Variants in NPR2 observed in about 807,000 individuals in gnomAD.
NPR2 encodes the protein natriuretic peptide receptor 2, also known as atrial natriuretic peptide receptor 2.
In NPR2, 49 loss-of-function variants were observed where a neutral mutation model predicts 120.7. The observed-to-expected ratio is 0.41, with a 90% CI of 0.32 to 0.52. The LOEUF is 0.52. Among genes scored for constraint, NPR2 ranks in the 20% least tolerant of loss-of-function variants. The pLI is 0.36. For synonymous variants in NPR2, 484 were observed against 519.8 expected (o/e 0.93, Z 0.94); for missense variants, 931 against 1,362.9 (o/e 0.68, Z 4.99).
At position 35,802,656 on chromosome 9, in the gene NPR2, C is replaced by T. The variant is rs1187738732; in HGVS notation, c.1815+49C>T. 1 of 1,480,194 alleles carries T rather than the reference C, an allele frequency of 6.8e-7. No homozygotes were observed. The highest frequency in any genetic ancestry group is 1.7e-5 in the Admixed American group (1 of 59,862). 91.7% of individuals were successfully genotyped at this position (1,480,194 alleles called of 1,614,324 possible). A position where few individuals can be genotyped will look rare whatever the true frequency, so the allele number is the denominator to read the frequency against. ...ATGGCAGGGGTGGGAAGGATAGACC[C>T]AAAGTTATACTGACTCTATGCTGGG... On this transcript the variant is annotated intron_variant, in intron 11 of 21. Transcript: ENST00000342694. The surrounding 1 kb of genome is among the most constrained non-coding windows in gnomAD (Gnocchi z 4.2).
At chr9:35,803,807 A>G (rs1828262305) in intron 12 of NPR2, among the ~76,000 whole-genome samples, 1 of 152,246 alleles carries the variant, frequency 6.6e-6, no homozygotes, top group Admixed American at 6.5e-5. Context: ...GTTATTTAAA[A>G]AGTATTTTTT....
chr9:35,803,755 G>A (rs2132086196), intron 12 of NPR2, among the ~76,000 whole-genome samples: 1 of 152,336 alleles, frequency 6.6e-6, no homozygotes, highest in Admixed American at 6.5e-5. Flanking sequence ...ACCCCACACT[G>A]TATCTGAAAC....
intron 2 of NPR2, among the ~76,000 whole-genome samples, chr9:35,797,879 T>A (rs1369198371): frequency 6.6e-6 from 1 of 152,230 alleles, no homozygotes; most frequent in Non-Finnish European, 1.5e-5. Flanking sequence ...ATCTGCTTTG[T>A]CACGCTTGTT....
chr9:35,801,718 A>C lies in NPR2; in HGVS notation c.1512A>C (p.Ser504=). Residue 504 remains serine, a synonymous_variant, in exon 8 of 22, where the codon TCA becomes TCC. Transcript: ENST00000342694. ...GGGAAGAACTGCAGTTTGGCAACTC[A>C]GAGCGTTATCACAAAGGTGCAGGCA... ...IRWEELQFGN[S]ERYHKGAGSR... 2 of 1,614,220 alleles carry C rather than the reference A, an allele frequency of 1.2e-6. No homozygotes were observed. The highest frequency in any genetic ancestry group is 1.7e-6 in the Non-Finnish European group (2 of 1,180,032).
rs1213090151 is a variant in NPR2, at chr9:35,792,817, C to T, written c.409C>T (p.Arg137Cys). 1.9e-6 allele frequency: 3 copies of T among 1,614,212 alleles called. No homozygotes were observed. The highest frequency in any genetic ancestry group is 2.5e-6 in the Non-Finnish European group (3 of 1,180,036). Reference sequence around the variant, plus strand: ...TTTTTCGGCTAAGAATGACCATTATCGTACCCTGGTTCGCACTGGCCCCTC... The same window carrying T: ...TTTTTCGGCTAAGAATGACCATTATTGTACCCTGGTTCGCACTGGCCCCTC... Reference protein sequence around the residue: ...SGFSAKNDHYRTLVRTGPSAP... With the variant: ...SGFSAKNDHYCTLVRTGPSAP... The change falls in exon 1 of 22, where the codon CGT becomes TGT. Residue 137 changes from arginine to cysteine, a missense_variant. This residue lies in a region of NPR2 where 681 missense variants were observed against 974.3 expected (regional missense o/e 0.70). Transcript: ENST00000342694.
At position 35,808,136 on chromosome 9, in the gene NPR2, G is replaced by A. The variant is rs957666565; in HGVS notation, c.2713-373G>A. On this transcript the variant is annotated intron_variant, in intron 18 of 21. Transcript: ENST00000342694. The surrounding 1 kb of genome is among the most constrained non-coding windows in gnomAD (Gnocchi z 4.0). ...GCTTTCCTCCTCTCTGACAGTTTGGGCTGTCAGGTCCATTTCACTGGGCCT... is the reference window on the plus strand; with the variant it reads ...GCTTTCCTCCTCTCTGACAGTTTGGACTGTCAGGTCCATTTCACTGGGCCT... The A allele has an allele frequency of 9.6e-6, 14 of 1,461,878 alleles. No homozygotes were observed. In the African/African-American group the frequency reaches 1.9e-4, roughly 20 times the overall value. 90.6% of individuals were successfully genotyped at this position (1,461,878 alleles called of 1,614,324 possible).
At chr9:35,795,477 G>A (rs559390336) in intron 2 of NPR2, among the ~76,000 whole-genome samples, 6 of 152,278 alleles carry the variant, frequency 3.9e-5, no homozygotes, top group East Asian at 1.9e-4. Context: ...TATTTGGTTC[G>A]AAGTAGCTGT....
Position 35,800,743 on chromosome 9 carries a change from T to A in NPR2, c.1253T>A (p.Ile418Asn). ...CACTACTCGGGAGCTGAGAAGCAGA[T>A]TTGGTGGACGGGACGGCCTATTCCC... ...AAHYSGAEKQ[I>N]WWTGRPIPWV... The change falls in exon 6 of 22, where the codon ATT (isoleucine) becomes AAT (asparagine). Residue 418 changes from isoleucine (I) to asparagine (N), a missense_variant. Physicochemically the swap from Ile to Asn is moderately radical, Grantham distance 149 (BLOSUM62 -3). Transcript: ENST00000342694. The surrounding 1 kb of genome is among the most constrained non-coding windows in gnomAD (Gnocchi z 4.7). The A allele has an allele frequency of 1.2e-6, 2 of 1,614,072 alleles. No individual in the cohort carries two copies. Among genetic ancestry groups the A allele is most frequent in the Non-Finnish European group, 1.7e-6 (2 of 1,180,002 alleles).
Position 35,793,746 on chromosome 9 carries a change from G to T in NPR2, c.668-152G>T. 4.0e-6 allele frequency: 3 copies of T among 755,384 alleles called. No individual in the cohort carries two copies. In the Admixed American group the frequency reaches 6.0e-5, roughly 15 times the overall value. 46.8% of individuals were successfully genotyped at this position (755,384 alleles called of 1,614,324 possible). A position where few individuals can be genotyped will look rare whatever the true frequency, so the allele number is the denominator to read the frequency against. On this transcript the variant is annotated intron_variant, in intron 1 of 21. Transcript: ENST00000342694. ...AGGGTACTTATGGTGGACTCCAAGA[G>T]GGGTGGGCTGGGGAGCATCTGCTTT...
In NPR2 at chr9:35,800,116, G is replaced by C; in HGVS notation, c.1082G>C (p.Gly361Ala). The C allele has an allele frequency of 6.2e-7, 1 of 1,614,072 alleles. No individual in the cohort carries two copies. Among genetic ancestry groups the C allele is most frequent in the Non-Finnish European group, 8.5e-7 (1 of 1,179,930 alleles). The stretch of plus-strand genomic sequence containing the variant: ...CAGGAAGGAGGCACCCGGGAGGATG[G>C]ACTTCGAATTGTGGAAAAGATGCAG... ...TIQEGGTREDGLRIVEKMQGR... is the reference protein window; with the variant it reads ...TIQEGGTREDALRIVEKMQGR... Residue 361 changes from glycine to alanine, a missense_variant, in exon 4 of 22, where the codon GGA (glycine) becomes GCA (alanine). Gly to Ala is a moderately conservative substitution (Grantham distance 60). This residue lies in a region of NPR2 where 681 missense variants were observed against 974.3 expected (regional missense o/e 0.70). Coordinates refer to ENST00000342694, the MANE Select transcript of NPR2 (RefSeq NM_003995.4). This position sits in a 1 kb window ranked among gnomAD's most constrained non-coding sequence, Gnocchi z 4.7.
In NPR2 at chr9:35,792,163, C is replaced by T; in HGVS notation, c.-246C>T. The T allele has an allele frequency of 1.9e-6, 1 of 518,986 alleles. No homozygotes were observed. The highest frequency in any genetic ancestry group is 2.3e-5 in the South Asian group (1 of 44,442). 32.1% of individuals were successfully genotyped at this position (518,986 alleles called of 1,614,324 possible). ...CCCCTCGGTCCCTCCCTCCCCCTGC[C>T]ACCCCGTTCTCAGTCCTCAGTCCTT... On this transcript the variant is annotated 5_prime_UTR_variant, in exon 1 of 22. Coordinates refer to ENST00000342694, the MANE Select transcript of NPR2 (RefSeq NM_003995.4).
Position 35,808,212 on chromosome 9 carries a change from T to C in NPR2, c.2713-297T>C. On this transcript the variant is annotated intron_variant, in intron 18 of 21. Coordinates refer to ENST00000342694, the MANE Select transcript of NPR2 (RefSeq NM_003995.4). This position sits in a 1 kb window ranked among gnomAD's most constrained non-coding sequence, Gnocchi z 4.0. ...CCTCTTGAGTTACCGTTTTCTTGCT[T>C]CCCATTTCCTGATGGCAGAGCCTAT... 1 of 1,614,206 alleles carries C rather than the reference T, an allele frequency of 6.2e-7. No individual in the cohort carries two copies. Among genetic ancestry groups the C allele is most frequent in the Non-Finnish European group, 8.5e-7 (1 of 1,180,036 alleles).
Position 35,805,476 on chromosome 9 carries a change from T to A in NPR2, c.1888-35T>A, listed in dbSNP as rs755431646. 5.6e-6 allele frequency: 9 copies of A among 1,611,004 alleles called. No individual in the cohort carries two copies. The South Asian group carries it at 9.9e-5, about 18-fold the overall frequency. ...GAGAGAGGGTATTCTAAGCCAGATA[T>A]GATCCAATCCCATGACTTGATCTGT... On this transcript the variant is annotated intron_variant, in intron 12 of 21. Coordinates refer to ENST00000342694, the MANE Select transcript of NPR2 (RefSeq NM_003995.4). This position sits in a 1 kb window ranked among gnomAD's most constrained non-coding sequence, Gnocchi z 4.9.
At position 35,806,018 on chromosome 9, in the gene NPR2, T is replaced by C. The variant is rs755727973; in HGVS notation, c.2203+33T>C. On this transcript the variant is annotated intron_variant, in intron 14 of 21. Transcript: ENST00000342694. The surrounding 1 kb of genome is among the most constrained non-coding windows in gnomAD (Gnocchi z 4.6). Reference sequence around the variant, plus strand: ...TCAATCCACTACCCACAGCCTCTTCTTCCTGGGGGAACTCTGTTCTTCATC... The same window carrying C: ...TCAATCCACTACCCACAGCCTCTTCCTCCTGGGGGAACTCTGTTCTTCATC... 3 of 1,614,190 alleles carry C rather than the reference T, an allele frequency of 1.9e-6. No homozygotes were observed. Among genetic ancestry groups the C allele is most frequent in the East Asian group, 4.5e-5 (2 of 44,886 alleles).
rs770531192 is a variant in NPR2 at position 35,794,060 on chromosome 9, A to G, written c.830A>G (p.Asn277Ser). The change falls in exon 2 of 22, where the codon AAT becomes AGT. Residue 277 changes from asparagine to serine, a missense_variant. Around this residue, in one of 3 missense-constraint regions of NPR2, gnomAD observed 681 missense variants for 974.3 expected, o/e 0.70. Coordinates refer to ENST00000342694, the MANE Select transcript of NPR2 (RefSeq NM_003995.4). Reference protein sequence around the residue: ...TRATGRPWQDNRTREQAQALR... With the variant: ...TRATGRPWQDSRTREQAQALR... The stretch of plus-strand genomic sequence containing the variant: ...GCTACAGGCCGGCCCTGGCAGGACA[A>G]TCGCACCCGGGAACAGGCCCAGGCC... 95 of 1,614,230 alleles carry G rather than the reference A, an allele frequency of 5.9e-5. 2 individuals are homozygous for G. The highest frequency in any genetic ancestry group is 3.0e-4 in the Admixed American group (18 of 60,022).
At chr9:35,807,272 A>G (rs912052655) in intron 17 of NPR2, 58 bp from the exon 18 acceptor site, 1 of 1,525,488 alleles carries the variant, frequency 6.6e-7, no homozygotes, top group South Asian at 1.1e-5. Context: ...TTGTGGGTTA[A>G]GAATTCTTAG....
chr9:35,802,361 A>G lies in NPR2; in HGVS notation c.1710+78A>G. 1 of 1,028,560 alleles carries G rather than the reference A, an allele frequency of 9.7e-7. No individual in the cohort carries two copies. Among genetic ancestry groups the G allele is most frequent in the Non-Finnish European group, 1.5e-6 (1 of 649,874 alleles). The allele number at this position is 1,028,560 out of a possible 1,614,324, so 63.7% of individuals were successfully genotyped here. A position where few individuals can be genotyped will look rare whatever the true frequency, so the allele number is the denominator to read the frequency against. On this transcript the variant is annotated intron_variant, in intron 10 of 21. Coordinates refer to ENST00000342694, the MANE Select transcript of NPR2 (RefSeq NM_003995.4). The surrounding 1 kb of genome is among the most constrained non-coding windows in gnomAD (Gnocchi z 4.2). ...ACTATGAAATAGTAAAATTGGCTAG[A>G]TGGGCAAGGGGTTGATTTATAAATG...
chr9:35,798,690 T>C (rs1003909281), intron 2 of NPR2, among the ~76,000 whole-genome samples: 22 of 152,244 alleles, frequency 1.4e-4, no homozygotes, highest in Admixed American at 9.2e-4. Context: ...GAAGTTGTGA[T>C]GCCAGTTTCC....
chr9:35,799,492 C>A, intron 2 of NPR2, 126 bp from the exon 3 acceptor site: 1 of 740,000 alleles, frequency 1.4e-6, no homozygotes, highest in Non-Finnish European at 2.4e-6. Context: ...CTTTCAAAGC[C>A]TTCAGACTCA....
Sources: allele counts gnomAD v4.1 joint callset (sites outside exome capture counted in the v4.1 genomes callset), GRCh38; gene constraint gnomAD v4.1.1; regional missense constraint gnomAD v4.1.1; non-coding constraint Gnocchi (gnomAD v3.1); transcripts MANE v1.5; gene names NCBI Gene and HGNC (gene_info 2026-07-23, HGNC 2026-07-21).